MGAM: variants seen among roughly 807,000 people sequenced by gnomAD.
MGAM encodes alpha-1,4-glucosidase.
Under a neutral mutation model 358.8 loss-of-function variants are expected in MGAM, and 253 were observed. The observed-to-expected ratio is 0.71, with a 90% CI of 0.64 to 0.78. MGAM has a LOEUF of 0.78. Ranked by LOEUF, MGAM falls within the 30% of genes least tolerant of loss-of-function variation. The probability of loss-of-function intolerance (pLI) is 0.00; values close to 1 mark genes in which losing one functional copy is unlikely to be tolerated. For synonymous variants in MGAM, 1,105 were observed against 1,227.1 expected (o/e 0.90, Z 2.08); for missense variants, 3,080 against 3,432.6 (o/e 0.90, Z 2.57).
chr7:142,026,917 G>GA (rs782040516), intron 8 of MGAM, among the ~76,000 whole-genome samples, 198 bp from the exon 9 acceptor site: 7 of 152,144 alleles, frequency 4.6e-5, no homozygotes, highest in Non-Finnish European at 5.9e-5. Context: ...ATCTGTCACA[G>GA]AAAAAATGCC....
chr7:142,018,516 A>T (rs1806147631), intron 3 of MGAM, among the ~76,000 whole-genome samples: 1 of 152,190 alleles, frequency 6.6e-6, no homozygotes, highest in African/African-American at 2.4e-5. Flanking sequence ...AAGAGGAGAG[A>T]GTTCTTTGTC....
chr7:141,993,162 T>C (rs1474168827), upstream of MGAM, among the ~76,000 whole-genome samples: 2 of 152,194 alleles, frequency 1.3e-5, no homozygotes, highest in Non-Finnish European at 2.9e-5. Flanking sequence ...CCAGATGATA[T>C]ACATGGTTTA....
Position 142,027,700 on chromosome 7 carries a change from G to A in MGAM, c.1186G>A (p.Val396Ile), listed in dbSNP as rs1554461524. The A allele has an allele frequency of 6.2e-7, 1 of 1,613,306 alleles. No individual in the cohort carries two copies. ...EYGTLDNMRE[V>I]VERNRAAQLP... ...TGGAACCTTAGACAACATGAGGGAAGTCGTGGAGAGAAATCGCGCAGCACA... is the reference window on the plus strand; with the variant it reads ...TGGAACCTTAGACAACATGAGGGAAATCGTGGAGAGAAATCGCGCAGCACA... The change falls in exon 10 of 71, where the codon GTC becomes ATC. Residue 396 changes from valine (V) to isoleucine (I), a missense_variant. Val to Ile is a conservative substitution (Grantham distance 29). This residue lies in a region of MGAM where 1,816 missense variants were observed against 1,840.5 expected (regional missense o/e 0.99). Coordinates refer to ENST00000475668, the MANE Select transcript of MGAM (RefSeq NM_001365693.1).
At chr7:142,055,422 T>C (rs1231828915) in intron 27 of MGAM, 136 bp from the exon 28 acceptor site, 11 of 1,046,544 alleles carry the variant, frequency 1.1e-5, no homozygotes, top group East Asian at 7.2e-5. Context: ...TTTAATCAAA[T>C]TGAGTTTCAG....
In MGAM at chr7:142,059,967, G is replaced by C; in HGVS notation, c.4059+1G>C. On this transcript the variant is annotated splice_donor_variant, in intron 33 of 70. Transcript: ENST00000475668. LOFTEE classifies it high-confidence loss of function. ...TGATGGAGACATTGTCTGGGGAAAG[G>C]TATAATCCTAAGCGATGATCCACTA... The C allele has an allele frequency of 6.3e-7, 1 of 1,599,054 alleles. No homozygotes were observed. The highest frequency in any genetic ancestry group is 8.5e-7 in the Non-Finnish European group (1 of 1,172,394).
intron 1 of MGAM, among the ~76,000 whole-genome samples, chr7:141,998,652 A>G (rs527656777): frequency 1.3e-4 from 20 of 152,308 alleles, no homozygotes; most frequent in Admixed American, 1.1e-3. Context: ...TATTCAGTCT[A>G]TCATTGATGG....
At chr7:142,080,607 T>C (rs1814169442) in intron 49 of MGAM, among the ~76,000 whole-genome samples, 184 bp from the exon 50 acceptor site, 1 of 146,142 alleles carries the variant, frequency 6.8e-6, no homozygotes, top group South Asian at 2.2e-4. Flanking sequence ...TAATGAGAAA[T>C]GACAGACAAA....
rs974829693 is a variant in MGAM, at chr7:142,074,473, A to G, written c.5275+300A>G. On this transcript the variant is annotated intron_variant, in intron 45 of 70. Transcript: ENST00000475668. ...GGTTTCAAGACTGTTCCCTAATTCT[A>G]TGTTAATGTCTTCCTCCGAAAATTC... is the stretch of plus-strand genomic sequence containing the variant. Among the ~76,000 whole-genome samples the G allele has an allele frequency of 2.1e-5, 3 of 146,220 alleles. 1 individual carries two copies. The highest frequency in any genetic ancestry group is 6.9e-5 in the Admixed American group (1 of 14,502).
In MGAM at chr7:142,100,855, G is replaced by C; in HGVS notation, c.7928G>C (p.Gly2643Ala). ...KIALDDEGTA[G>A]GWLFWDDGQS... ...GCCTTGGATGATGAAGGAACTGCTG[G>C]GGGCTGGCTCTTCTGGGATGATGGG... is the stretch of plus-strand genomic sequence containing the variant. Residue 2643 changes from glycine (G) to alanine (A), a missense_variant, in exon 68 of 71, where the codon GGG (glycine) becomes GCG (alanine). This residue lies in a region of MGAM where 194 missense variants were observed against 172.8 expected (regional missense o/e 1.12). Coordinates refer to ENST00000475668, the MANE Select transcript of MGAM (RefSeq NM_001365693.1). 6.2e-7 allele frequency: 1 copy of C among 1,613,354 alleles called. No individual in the cohort carries two copies. Among genetic ancestry groups the C allele is most frequent in the Non-Finnish European group, 8.5e-7 (1 of 1,179,700 alleles).
Position 142,059,904 on chromosome 7 carries a change from C to A in MGAM, c.3997C>A (p.Arg1333=), listed in dbSNP as rs184974986. The A allele has an allele frequency of 5.6e-6, 9 of 1,611,264 alleles. 1 individual carries two copies. In the African/African-American group the frequency reaches 1.2e-4, roughly 21 times the overall value. Residue 1333 remains arginine (R), a synonymous_variant, in exon 33 of 71, where the codon CGG becomes AGG. Coordinates refer to ENST00000475668, the MANE Select transcript of MGAM (RefSeq NM_001365693.1). ...GACACAGCCTTATCCTGCCTTCACTCGGGGCGTGGAGGATGACGTCTTCAT... is the reference window on the plus strand; with the variant it reads ...GACACAGCCTTATCCTGCCTTCACTAGGGGCGTGGAGGATGACGTCTTCAT... The part of the protein sequence containing the change: ...NETQPYPAFT[R]GVEDDVFIKY...
intron 57 of MGAM, among the ~76,000 whole-genome samples, chr7:142,090,113 T>C (rs1815222648): frequency 6.8e-6 from 1 of 146,276 alleles, no homozygotes; most frequent in Non-Finnish European, 1.5e-5. Context: ...TATATCACTG[T>C]TTGAAGACTG....
At chr7:142,031,842 T>A in intron 13 of MGAM, 49 bp downstream of exon 13, 1 of 1,275,646 alleles carries the variant, frequency 7.8e-7, no homozygotes, top group Non-Finnish European at 1.1e-6. Context: ...TCAAATTGTG[T>A]ATATCTGTAT....
At chr7:142,097,494 C>A in intron 65 of MGAM, 99 bp from the exon 66 acceptor site, 1 of 1,209,332 alleles carries the variant, frequency 8.3e-7, no homozygotes. Context: ...CAAGTGGGCC[C>A]AAGGCCATCA....
chr7:142,064,618 G>A, intron 37 of MGAM, 96 bp downstream of exon 37: 1 of 1,449,146 alleles, frequency 6.9e-7, no homozygotes, highest in South Asian at 1.3e-5. Flanking sequence ...CCATTTCTAA[G>A]GATTAAGAAG....
intron 3 of MGAM, among the ~76,000 whole-genome samples, chr7:142,009,675 C>G (rs1262202016): frequency 6.6e-6 from 1 of 152,162 alleles, no homozygotes; most frequent in Admixed American, 6.5e-5. Flanking sequence ...CATGTCATAT[C>G]TAACTGAATT....
chr7:142,006,340 C>T (rs1440391461), intron 2 of MGAM, among the ~76,000 whole-genome samples: 5 of 152,016 alleles, frequency 3.3e-5, no homozygotes, highest in Non-Finnish European at 5.9e-5. Context: ...TTAGCAGGAG[C>T]TTTGTGGTGG....
chr7:142,096,523 A>G lies in MGAM; in HGVS notation c.7692+108A>G, dbSNP rs144129510. On this transcript the variant is annotated intron_variant, in intron 65 of 70. Coordinates refer to ENST00000475668, the MANE Select transcript of MGAM (RefSeq NM_001365693.1). ...TGGGGGTCCTAAGACATGGTTTCTTATTCTACCTGTGTCTCTTCCTCTCTT... is the reference window on the plus strand; with the variant it reads ...TGGGGGTCCTAAGACATGGTTTCTTGTTCTACCTGTGTCTCTTCCTCTCTT... 9,294 of 1,325,918 alleles carry G rather than the reference A, an allele frequency of 7.0e-3. 22 individuals carry two copies. The highest frequency in any genetic ancestry group is 0.011 in the Middle Eastern group (46 of 4,274). The allele number at this position is 1,325,918 out of a possible 1,614,324, so 82.1% of individuals were successfully genotyped here.
At position 142,074,179 on chromosome 7, in the gene MGAM, C is replaced by T. The variant is rs190693506; in HGVS notation, c.5275+6C>T. The T allele has an allele frequency of 5.0e-4, 762 of 1,510,840 alleles. 46 individuals are homozygous for T. In the African/African-American group the frequency reaches 7.6e-3, roughly 15 times the overall value. 93.6% of individuals were successfully genotyped at this position (1,510,840 alleles called of 1,614,324 possible). A position where few individuals can be genotyped will look rare whatever the true frequency, so the allele number is the denominator to read the frequency against. On this transcript the variant is annotated splice_donor_region_variant and intron_variant, in intron 45 of 70. Coordinates refer to ENST00000475668, the MANE Select transcript of MGAM (RefSeq NM_001365693.1). ...GGATGATGGGCAAACAAAGGGTGAG[C>T]GCTGTTACAATAATGTTGCTGTTTC...
Position 142,058,186 on chromosome 7 carries a change from T to C in MGAM, c.3694-17T>C, listed in dbSNP as rs748920329. On this transcript the variant is annotated splice_polypyrimidine_tract_variant and intron_variant, in intron 30 of 70. Transcript: ENST00000475668. ...TGCCTCTGTTCTGAAGACTAATATT[T>C]TCTGTCTATTTTCTAGTTGATTGGC... is the stretch of plus-strand genomic sequence containing the variant. The C allele has an allele frequency of 6.2e-7, 1 of 1,613,680 alleles. No individual in the cohort carries two copies. Among genetic ancestry groups the C allele is most frequent in the South Asian group, 1.1e-5 (1 of 91,062 alleles).
Sources: allele counts gnomAD v4.1 joint callset (sites outside exome capture counted in the v4.1 genomes callset), GRCh38; gene constraint gnomAD v4.1.1; regional missense constraint gnomAD v4.1.1; transcripts MANE v1.5; gene names NCBI Gene and HGNC (gene_info 2026-07-23, HGNC 2026-07-21).